The following LIPI variants were observed in gnomAD, a reference collection of about 807,000 sequenced individuals.
The protein encoded by LIPI is lipase member I.
In LIPI, 59 loss-of-function variants were observed where a neutral mutation model predicts 50.6. That is an observed-to-expected ratio of 1.16 (90% CI 0.94 to 1.45). The LOEUF (loss-of-function observed/expected upper bound fraction) is 1.45, where lower values mean the gene tolerates loss of function less well. LIPI is among the 40% of genes most tolerant of loss of function. The pLI is 0.00. For missense variants in LIPI, 586 were observed against 536.3 expected (o/e 1.09, Z -0.92); for synonymous variants, 203 against 178.2 (o/e 1.14, Z -1.11).
chr21:14,120,092 G>A (rs2016806829), intron 9 of LIPI, among the ~76,000 whole-genome samples: 2 of 152,196 alleles, frequency 1.3e-5, no homozygotes, highest in Non-Finnish European at 2.9e-5. Flanking sequence ...CCCCCGTTAT[G>A]TGCCCCAGGG....
intron 9 of LIPI, among the ~76,000 whole-genome samples, chr21:14,116,764 A>G (rs950609938): frequency 1.2e-4 from 18 of 152,202 alleles, no homozygotes; most frequent in African/African-American, 3.6e-4. Context: ...AAATGGCTAC[A>G]GGCCTGCTTT....
At chr21:14,110,078 A>C (rs1183021437) in intron 9 of LIPI, among the ~76,000 whole-genome samples, 2 of 148,660 alleles carry the variant, frequency 1.3e-5, no homozygotes, top group Non-Finnish European at 3.0e-5. Flanking sequence ...CATTACCAAA[A>C]ATGAACACAT....
At chr21:14,187,566 A>C (rs910622425) in intron 2 of LIPI, among the ~76,000 whole-genome samples, 1 of 152,194 alleles carries the variant, frequency 6.6e-6, no homozygotes, top group Non-Finnish European at 1.5e-5. Context: ...ATTTCTATTT[A>C]ATATTCACAT....
intron 3 of LIPI, among the ~76,000 whole-genome samples, chr21:14,184,727 T>C (rs180927804): frequency 1.2e-3 from 177 of 152,284 alleles, no homozygotes; most frequent in African/African-American, 4.1e-3. Context: ...GTAAACACAA[T>C]TTAAAGTACA....
intron 4 of LIPI, among the ~76,000 whole-genome samples, chr21:14,177,359 T>G (rs1176774757): frequency 1.3e-5 from 2 of 151,980 alleles, no homozygotes; most frequent in African/African-American, 4.8e-5. Context: ...AAATAAGAGT[T>G]GGATTTTTTC....
intron 4 of LIPI, among the ~76,000 whole-genome samples, chr21:14,167,979 C>T (rs9647107): frequency 5.3e-5 from 8 of 152,052 alleles, no homozygotes; most frequent in African/African-American, 1.9e-4. Context: ...AAAATTTAGA[C>T]GAATGTATAA....
intron 4 of LIPI, among the ~76,000 whole-genome samples, chr21:14,167,344 A>G (rs527779945): frequency 2.8e-4 from 42 of 152,340 alleles, no homozygotes; most frequent in Admixed American, 2.5e-3. Flanking sequence ...TCTGTCTGAC[A>G]GCTTTGAAGA....
intron 4 of LIPI, among the ~76,000 whole-genome samples, chr21:14,180,139 C>A (rs2019223463): frequency 6.6e-6 from 1 of 152,074 alleles, no homozygotes; most frequent in Admixed American, 6.6e-5. Flanking sequence ...TCCTGCAGTA[C>A]CCTCAGGCTT....
intron 1 of LIPI, chr21:14,206,702 CATG>C (rs2020235108): frequency 1.4e-6 from 1 of 693,946 alleles, no homozygotes; most frequent in Non-Finnish European, 2.5e-6. Context: ...ATATTAACCA[CATG>C]ATAATAGTTT....
chr21:14,207,745 A>C (rs2020263156), intron 1 of LIPI, among the ~76,000 whole-genome samples: 1 of 152,202 alleles, frequency 6.6e-6, no homozygotes, highest in Non-Finnish European at 1.5e-5. Context: ...CACACGGAGA[A>C]GTTTTACATC....
At chr21:14,166,260 T>C in intron 5 of LIPI, 102 bp downstream of exon 5, 1 of 777,678 alleles carries the variant, frequency 1.3e-6, no homozygotes, top group Non-Finnish European at 2.3e-6. Flanking sequence ...GCAATGATGA[T>C]GAAATCAAAA....
intron 9 of LIPI, among the ~76,000 whole-genome samples, chr21:14,117,439 G>A (rs2016692941): frequency 6.6e-6 from 1 of 152,212 alleles, no homozygotes; most frequent in Non-Finnish European, 1.5e-5. Context: ...CATGGCAGAT[G>A]TCAAAGAGTA....
chr21:14,192,731 C>T (rs911632317), intron 1 of LIPI, among the ~76,000 whole-genome samples: 4 of 152,124 alleles, frequency 2.6e-5, no homozygotes, highest in African/African-American at 4.8e-5. Context: ...AAACTATCAA[C>T]CTAGAATTCC....
intron 9 of LIPI, 57 bp from the exon 10 acceptor site, chr21:14,109,137 T>C (rs1046836235): frequency 3.6e-5 from 48 of 1,351,162 alleles, no homozygotes; most frequent in Middle Eastern, 2.1e-4. Flanking sequence ...AACAACAGAG[T>C]TGATTTCCTT....
chr21:14,124,056 G>T (rs976152663), intron 9 of LIPI, among the ~76,000 whole-genome samples: 2 of 152,160 alleles, frequency 1.3e-5, no homozygotes, highest in African/African-American at 4.8e-5. Context: ...TGGTTTGGAG[G>T]CTTTAAAACT....
chr21:14,139,652 T>A (rs1348190659), intron 9 of LIPI, among the ~76,000 whole-genome samples: 2 of 152,132 alleles, frequency 1.3e-5, no homozygotes, highest in African/African-American at 4.8e-5. Flanking sequence ...TAATAACTCC[T>A]ACGAGAACAA....
intron 4 of LIPI, among the ~76,000 whole-genome samples, chr21:14,173,970 G>T (rs1362826191): frequency 6.6e-6 from 1 of 152,164 alleles, no homozygotes; most frequent in African/African-American, 2.4e-5. Flanking sequence ...GCAAGGAAGG[G>T]CATGCTTCCT....
intron 7 of LIPI, among the ~76,000 whole-genome samples, chr21:14,161,383 CATATA>C (rs1335909339): frequency 7.2e-6 from 1 of 139,754 alleles, no homozygotes; most frequent in Non-Finnish European, 1.5e-5. Context: ...TTATATATGA[CATATA>C]ATATCTATGT....
intron 9 of LIPI, among the ~76,000 whole-genome samples, chr21:14,116,069 A>G (rs1250707834): frequency 6.6e-6 from 1 of 151,950 alleles, no homozygotes; most frequent in Non-Finnish European, 1.5e-5. Flanking sequence ...GACTCATTTC[A>G]CCTGATGAGG....
Sources: gnomAD v4.1 joint callset for allele counts (sites outside exome capture counted in the v4.1 genomes callset) on GRCh38, gnomAD v4.1.1 for gene constraint, MANE v1.5 for transcripts, NCBI Gene and HGNC (gene_info 2026-07-23, HGNC 2026-07-21) for gene names.